Variants in AUTS2 observed in about 807,000 individuals in gnomAD.
The protein encoded by AUTS2 is activator of transcription and developmental regulator AUTS2, also known as autism susceptibility gene 2 protein.
In AUTS2, 17 loss-of-function variants were observed where a neutral mutation model predicts 112.4. The ratio of observed to expected loss-of-function variants is 0.15; its 90% CI spans 0.10 to 0.23. The LOEUF is 0.23. AUTS2 is among the 10% of genes least tolerant of loss of function. The pLI, the probability that AUTS2 is intolerant of heterozygous loss-of-function variation, is 1.00. For missense variants in AUTS2, 1,510 were observed against 1,701.6 expected, an observed-to-expected ratio of 0.89 and a Z score of 1.98; for synonymous variants, 751 against 702.7, an observed-to-expected ratio of 1.07 and a Z score of -1.09.
intron 4 of AUTS2, among the ~76,000 whole-genome samples, chr7:70,154,417 T>G (rs1807627774): frequency 6.6e-6 from 1 of 152,170 alleles, no homozygotes; most frequent in African/African-American, 2.4e-5. Context: ...AAAAGATACA[T>G]TTTTATAAAG....
chr7:70,266,743 C>G (rs188722796), intron 4 of AUTS2, among the ~76,000 whole-genome samples: 1 of 152,290 alleles, frequency 6.6e-6, no homozygotes, highest in Admixed American at 6.5e-5. Context: ...AAAAAACCCT[C>G]TCTGAGTCAT....
At chr7:69,891,896 C>T (rs113438311) in intron 1 of AUTS2, among the ~76,000 whole-genome samples, 13 of 137,480 alleles carry the variant, frequency 9.5e-5, no homozygotes, top group Admixed American at 4.8e-4. Flanking sequence ...TGGGTTCAAG[C>T]GATTCTCCTG....
At chr7:69,699,221 T>C (rs1390324815) in intron 1 of AUTS2, among the ~76,000 whole-genome samples, 1 of 152,130 alleles carries the variant, frequency 6.6e-6, no homozygotes, top group Non-Finnish European at 1.5e-5. Flanking sequence ...AGGTAATATA[T>C]TAATATGATC....
intron 2 of AUTS2, among the ~76,000 whole-genome samples, chr7:70,071,034 C>G (rs1480047353): frequency 2.6e-5 from 4 of 152,118 alleles, no homozygotes; most frequent in Non-Finnish European, 5.9e-5. Context: ...AAATACTGTA[C>G]TGAAGCAGAT....
At chr7:70,316,188 A>G (rs913138785) in intron 4 of AUTS2, among the ~76,000 whole-genome samples, 4 of 152,224 alleles carry the variant, frequency 2.6e-5, no homozygotes, top group African/African-American at 7.2e-5. Context: ...GATAAATACT[A>G]CAGAATTAGT....
At chr7:70,740,322 T>A (rs1788030710) in intron 6 of AUTS2, among the ~76,000 whole-genome samples, 1 of 152,232 alleles carries the variant, frequency 6.6e-6, no homozygotes, top group African/African-American at 2.4e-5. Flanking sequence ...GCTCCAATTT[T>A]GTTTTTTTCT....
At chr7:70,394,773 C>A (rs1227786208) in intron 4 of AUTS2, among the ~76,000 whole-genome samples, 2 of 151,346 alleles carry the variant, frequency 1.3e-5, no homozygotes, top group Admixed American at 6.6e-5. Flanking sequence ...CATAGTGTTC[C>A]CCTAATCATA....
intron 1 of AUTS2, among the ~76,000 whole-genome samples, chr7:69,714,160 A>C (rs1798470131): frequency 6.6e-6 from 1 of 151,644 alleles, no homozygotes; most frequent in South Asian, 2.1e-4. Context: ...TCCTGGGTTC[A>C]AGTGATCCTC....
intron 14 of AUTS2, among the ~76,000 whole-genome samples, chr7:70,778,193 G>A (rs1017261886): frequency 2.6e-5 from 4 of 152,152 alleles, no homozygotes; most frequent in Admixed American, 1.3e-4. Flanking sequence ...CAGCATCAGC[G>A]CTTGGCTTAG....
intron 1 of AUTS2, among the ~76,000 whole-genome samples, chr7:69,873,328 G>C (rs1793587361): frequency 6.6e-6 from 1 of 151,906 alleles, no homozygotes. Flanking sequence ...ACCTTACTTG[G>C]TGGTTCTCAG....
At chr7:69,738,721 G>A (rs970642634) in intron 1 of AUTS2, among the ~76,000 whole-genome samples, 1 of 152,104 alleles carries the variant, frequency 6.6e-6, no homozygotes, top group African/African-American at 2.4e-5. Flanking sequence ...TTGGTTTGTG[G>A]CAGGCGTGAT....
At chr7:70,787,578 A>G in intron 18 of AUTS2, 147 bp downstream of exon 18, 1 of 621,450 alleles carries the variant, frequency 1.6e-6, no homozygotes, top group Non-Finnish European at 2.9e-6. Flanking sequence ...CAGTGCCCGC[A>G]GCCCCTCGCA....
intron 4 of AUTS2, among the ~76,000 whole-genome samples, chr7:70,183,096 C>T (rs990616016): frequency 2.4e-4 from 36 of 152,092 alleles, no homozygotes; most frequent in African/African-American, 6.3e-4. Flanking sequence ...TAATGGAGTG[C>T]GAAGAAGCTG....
intron 1 of AUTS2, among the ~76,000 whole-genome samples, chr7:69,651,404 C>G (rs529297339): frequency 6.6e-6 from 1 of 152,340 alleles, no homozygotes; most frequent in South Asian, 2.1e-4. Flanking sequence ...CCATTTTACT[C>G]CGTGGCTAAT....
intron 4 of AUTS2, among the ~76,000 whole-genome samples, chr7:70,302,959 CTCTTTAAAAACCAGCA>C (rs1789291383): frequency 8.2e-6 from 1 of 122,154 alleles, no homozygotes; most frequent in South Asian, 2.5e-4. Flanking sequence ...TATATCCTTT[CTCTTTAAAAACCAGCA>C]TCTAGCCAAG....
Position 70,280,312 on chromosome 7 carries a change from TCTCGCTCTGTCCCCAGG to T in AUTS2, c.660+145744_660+145760del, listed in dbSNP as rs1788148673. ...TTTTTTTTTTTTTTCCGAGACAGAG[TCTCGCTCTGTCCCCAGG>T]CTGGAGTGCAGTGGCACGATGTCAG... is the stretch of plus-strand genomic sequence containing the variant. On this transcript the variant is annotated intron_variant, in intron 4 of 18. Transcript: ENST00000342771. 2.7e-5 allele frequency among the ~76,000 whole-genome samples: 4 copies of T among 146,706 alleles called. No individual in the cohort carries two copies. The South Asian group carries it at 8.8e-4, about 32-fold the overall frequency.
At chr7:70,304,777 T>C (rs2129614235) in intron 4 of AUTS2, among the ~76,000 whole-genome samples, 1 of 149,012 alleles carries the variant, frequency 6.7e-6, no homozygotes, top group Middle Eastern at 3.4e-3. Context: ...GAGTGTCATG[T>C]GACACTCAAA....
intron 6 of AUTS2, among the ~76,000 whole-genome samples, chr7:70,717,706 G>A (rs949159320): frequency 2.6e-5 from 4 of 152,116 alleles, no homozygotes; most frequent in Admixed American, 2.6e-4. Context: ...TCAAGCCCTC[G>A]CCAGCCTCTT....
intron 5 of AUTS2, among the ~76,000 whole-genome samples, chr7:70,689,322 A>C (rs1347226444): frequency 2.6e-5 from 4 of 152,172 alleles, no homozygotes; most frequent in Non-Finnish European, 4.4e-5. Flanking sequence ...TCGAGGCTGT[A>C]GTGAGCTGTG....
Sources: gnomAD v4.1 joint callset for allele counts (sites outside exome capture counted in the v4.1 genomes callset) on GRCh38, gnomAD v4.1.1 for gene constraint, MANE v1.5 for transcripts, NCBI Gene and HGNC (gene_info 2026-07-23, HGNC 2026-07-21) for gene names.